The following GAL3ST1 variants were observed in gnomAD, a reference collection of about 807,000 sequenced individuals.
GAL3ST1 encodes the protein galactose-3-O-sulfotransferase 1.
GAL3ST1 carries 13 observed loss-of-function variants against 25.0 expected under a neutral mutation model. That is an observed-to-expected ratio of 0.52 (90% confidence interval 0.34 to 0.83). The LOEUF is 0.83. Ranked by LOEUF, GAL3ST1 falls within the 40% of genes least tolerant of loss-of-function variation. GAL3ST1 has a pLI of 0.02. For synonymous variants in GAL3ST1, 274 were observed against 277.8 expected (o/e 0.99, Z 0.14); for missense variants, 474 against 613.6 (o/e 0.77, Z 2.40).
intron 1 of GAL3ST1, among the ~76,000 whole-genome samples, chr22:30,569,247 T>C (rs1569011916): frequency 6.6e-6 from 1 of 151,482 alleles, no homozygotes; most frequent in South Asian, 2.1e-4. Flanking sequence ...ACTGTAGGGA[T>C]GGGGAAGGAG....
chr22:30,572,927 C>T (rs981493230), intron 1 of GAL3ST1: 1 of 152,232 alleles, frequency 6.6e-6, no homozygotes, highest in Non-Finnish European at 1.5e-5. Flanking sequence ...TCCCTCAGAA[C>T]ACAGTGGGAG....
At chr22:30,556,685 T>A (rs1218983047) in intron 3 of GAL3ST1, among the ~76,000 whole-genome samples, 1 of 152,208 alleles carries the variant, frequency 6.6e-6, no homozygotes, top group East Asian at 1.9e-4. Flanking sequence ...CAGACAGTGT[T>A]ACCTGATTCT....
Position 30,573,751 on chromosome 22 carries a change from G to A in GAL3ST1, c.-120+715C>T, listed in dbSNP as rs144777991. On this transcript the variant is annotated intron_variant, in intron 1 of 3. Transcript: ENST00000406361. ...ATCACCTCTCTGGCTCTGGGCAGCT[G>A]GGCGGGGCAGTTCCCACTGGGCAGG... Among the ~76,000 whole-genome samples, 27 of 152,328 alleles carry A rather than the reference G, an allele frequency of 1.8e-4. No individual in the cohort carries two copies. In the East Asian group the frequency reaches 5.0e-3, roughly 28 times the overall value.
chr22:30,570,614 G>A (rs1318148192), intron 1 of GAL3ST1, among the ~76,000 whole-genome samples: 1 of 152,152 alleles, frequency 6.6e-6, no homozygotes, highest in Admixed American at 6.5e-5. Flanking sequence ...CTGACAACAT[G>A]GAGAAACCCC....
intron 1 of GAL3ST1, among the ~76,000 whole-genome samples, chr22:30,565,624 A>G (rs1278753006): frequency 6.6e-6 from 1 of 152,156 alleles, no homozygotes; most frequent in Non-Finnish European, 1.5e-5. Flanking sequence ...TCCTGCCTCT[A>G]TCCCTGGGTG....
At chr22:30,570,534 C>A (rs1346864915) in intron 1 of GAL3ST1, among the ~76,000 whole-genome samples, 1 of 152,174 alleles carries the variant, frequency 6.6e-6, no homozygotes, top group Non-Finnish European at 1.5e-5. Flanking sequence ...TGGTGGCTCA[C>A]GCCTGTAATC....
rs376230402 is a variant in GAL3ST1, at chr22:30,569,109, G to C, written c.-120+5357C>G. Among the ~76,000 whole-genome samples, 147 of 151,508 alleles carry C rather than the reference G, an allele frequency of 9.7e-4. 1 individual carries two copies. Among genetic ancestry groups the C allele is most frequent in the African/African-American group, 3.5e-3 (143 of 41,258 alleles). ...AAAAAAAAAAAAAGAGGGACATGCA[G>C]GGCTTTCAGGAAGCATGCTACTGAG... On this transcript the variant is annotated intron_variant, in intron 1 of 3. Transcript: ENST00000406361.
Position 30,555,483 on chromosome 22 carries a change from G to A in GAL3ST1, c.742C>T (p.Leu248=), listed in dbSNP as rs1323015760. Residue 248 remains leucine, a synonymous_variant, in exon 4 of 4, where the codon CTG becomes TTG. Coordinates refer to ENST00000406361, the MANE Select transcript of GAL3ST1 (RefSeq NM_001318104.2). This position sits in a 1 kb window ranked among gnomAD's most constrained non-coding sequence, Gnocchi z 8.6. ...HILEVERRFH[L]VLLQEYFDES... ...TCGAAGTACTCTTGAAGGAGCACCA[G>A]GTGGAAGCGACGCTCCACCTCCAGG... 6.2e-7 allele frequency: 1 copy of A among 1,613,666 alleles called. No individual in the cohort carries two copies. Among genetic ancestry groups the A allele is most frequent in the South Asian group, 1.1e-5 (1 of 91,084 alleles).
In GAL3ST1 at chr22:30,554,733, A is replaced by C. The variant is rs1568981797; in HGVS notation, c.*220T>G. 7.0e-6 allele frequency: 3 copies of C among 427,034 alleles called. No individual in the cohort carries two copies. Among genetic ancestry groups the C allele is most frequent in the Non-Finnish European group, 1.2e-5 (3 of 244,068 alleles). The allele number at this position is 427,034 out of a possible 1,614,324, so 26.5% of individuals were successfully genotyped here. On this transcript the variant is annotated 3_prime_UTR_variant, in exon 4 of 4. Coordinates refer to ENST00000406361, the MANE Select transcript of GAL3ST1 (RefSeq NM_001318104.2). The stretch of plus-strand genomic sequence containing the variant: ...CTTTATCGGGGAGGGAAAGGGGTTT[A>C]ATAAAAACTGGTATAATTAGTTAAA...
At position 30,568,324 on chromosome 22, in the gene GAL3ST1, G is replaced by A. The variant is rs2086683979; in HGVS notation, c.-120+6142C>T. Among the ~76,000 whole-genome samples, 6 of 152,246 alleles carry A rather than the reference G, an allele frequency of 3.9e-5. No individual in the cohort carries two copies. In the South Asian group the frequency reaches 1.2e-3, roughly 32 times the overall value. On this transcript the variant is annotated intron_variant, in intron 1 of 3. Transcript: ENST00000406361. ...CACAGCTAGACTATATTTCCCATGCGCCCTTGCAGTTCAGTGTCCTCACAT... is the reference window on the plus strand; with the variant it reads ...CACAGCTAGACTATATTTCCCATGCACCCTTGCAGTTCAGTGTCCTCACAT...
At position 30,565,076 on chromosome 22, in the gene GAL3ST1, CCT is replaced by C. The variant is rs1346131882; in HGVS notation, c.-119-6690_-119-6689del. On this transcript the variant is annotated intron_variant, in intron 1 of 3. Coordinates refer to ENST00000406361, the MANE Select transcript of GAL3ST1 (RefSeq NM_001318104.2). The stretch of plus-strand genomic sequence containing the variant: ...ACTGGACAGCTCTGGCCAGTCCTCA[CCT>C]CTCTTTGGACCCCAACAAGCAAGCA... 6.6e-5 allele frequency: 10 copies of C among 152,670 alleles called. No individual in the cohort carries two copies. In the East Asian group the frequency reaches 1.7e-3, roughly 26 times the overall value. 9.5% of individuals were successfully genotyped at this position (152,670 alleles called of 1,614,324 possible).
intron 1 of GAL3ST1, among the ~76,000 whole-genome samples, chr22:30,571,761 G>A (rs1255075727): frequency 6.6e-6 from 1 of 152,218 alleles, no homozygotes; most frequent in East Asian, 1.9e-4. Flanking sequence ...CTACTCGGGA[G>A]GCTGAGGCAG....
chr22:30,558,752 A>G (rs2086197574), intron 1 of GAL3ST1, among the ~76,000 whole-genome samples: 1 of 152,248 alleles, frequency 6.6e-6, no homozygotes, highest in African/African-American at 2.4e-5. Flanking sequence ...CCCCCTTTCC[A>G]AAGCCAGCCT....
At chr22:30,561,885 T>C (rs1021933965) in intron 1 of GAL3ST1, among the ~76,000 whole-genome samples, 2 of 151,962 alleles carry the variant, frequency 1.3e-5, no homozygotes, top group African/African-American at 4.8e-5. Flanking sequence ...AACCTCACCC[T>C]CCCTAAGCCT....
At chr22:30,562,092 C>T (rs2086445027) in intron 1 of GAL3ST1, among the ~76,000 whole-genome samples, 1 of 152,156 alleles carries the variant, frequency 6.6e-6, no homozygotes, top group Non-Finnish European at 1.5e-5. Context: ...GCTCCATCAC[C>T]CAGGCTGAAG....
At chr22:30,569,662 G>C (rs767809474) in intron 1 of GAL3ST1, among the ~76,000 whole-genome samples, 5 of 152,138 alleles carry the variant, frequency 3.3e-5, no homozygotes, top group Non-Finnish European at 7.4e-5. Flanking sequence ...GGAATAACTA[G>C]AGTCACCAGG....
chr22:30,566,742 TG>T (rs1374777453), intron 1 of GAL3ST1, among the ~76,000 whole-genome samples: 2 of 152,060 alleles, frequency 1.3e-5, no homozygotes, highest in African/African-American at 4.8e-5. Flanking sequence ...CCTGAGTAGC[TG>T]GGACTACAGG....
intron 2 of GAL3ST1, 50 bp from the exon 3 acceptor site, chr22:30,557,451 G>C: frequency 1.2e-6 from 2 of 1,606,876 alleles, no homozygotes; most frequent in Non-Finnish European, 1.7e-6. Context: ...TGGCCCCAGG[G>C]AGCCCCCAAG....
intron 1 of GAL3ST1, among the ~76,000 whole-genome samples, chr22:30,565,823 G>A (rs1001380550): frequency 1.3e-5 from 2 of 152,094 alleles, no homozygotes; most frequent in Non-Finnish European, 2.9e-5. Context: ...TTTGCCCATG[G>A]GCAGAGGGTC....
Sources: allele counts gnomAD v4.1 joint callset (sites outside exome capture counted in the v4.1 genomes callset), GRCh38; gene constraint gnomAD v4.1.1; non-coding constraint Gnocchi (gnomAD v3.1); transcripts MANE v1.5; gene names NCBI Gene and HGNC (gene_info 2026-07-23, HGNC 2026-07-21).